Variants in MBOAT1 observed in about 807,000 individuals in gnomAD.
The protein encoded by MBOAT1 is membrane bound glycerophospholipid O-acyltransferase 1.
In MBOAT1, 67 loss-of-function variants were observed where a neutral mutation model predicts 64.4. That is an observed-to-expected ratio of 1.04 (90% CI 0.85 to 1.27). The LOEUF (loss-of-function observed/expected upper bound fraction) is 1.27. Ranked by LOEUF, MBOAT1 falls within the 50% of genes most tolerant of loss-of-function variation. MBOAT1 has a pLI of 0.00. For missense variants in MBOAT1, 563 were observed against 604.6 expected, an observed-to-expected ratio of 0.93 and a Z score of 0.72; for synonymous variants, 229 against 218.9, an observed-to-expected ratio of 1.05 and a Z score of -0.41.
chr6:20,201,177 G>A (rs1022035035), intron 1 of MBOAT1, among the ~76,000 whole-genome samples: 4 of 152,148 alleles, frequency 2.6e-5, no homozygotes, highest in Admixed American at 2.6e-4. Flanking sequence ...CCAGTTTGTG[G>A]AGGAGTTATA....
At chr6:20,184,880 A>AGTGTGTGTGTGC (rs1554121570) in intron 1 of MBOAT1, among the ~76,000 whole-genome samples, 2 of 142,866 alleles carry the variant, frequency 1.4e-5, no homozygotes, top group African/African-American at 5.1e-5. Flanking sequence ...TTATAACTGC[A>AGTGTGTGTGTGC]GTGTGTGTGT....
intron 8 of MBOAT1, 74 bp downstream of exon 8, chr6:20,124,334 A>G (rs1341784224): frequency 6.8e-7 from 1 of 1,472,564 alleles, no homozygotes; most frequent in Non-Finnish European, 9.2e-7. Flanking sequence ...GTGATCCAAA[A>G]CGTCGTTCTG....
chr6:20,103,840 A>G (rs1759874799), intron 12 of MBOAT1, among the ~76,000 whole-genome samples: 1 of 152,198 alleles, frequency 6.6e-6, no homozygotes, highest in African/African-American at 2.4e-5. Context: ...ATTATTGAGG[A>G]AAAGTTTTCT....
chr6:20,176,008 G>A (rs1444076592), intron 1 of MBOAT1, among the ~76,000 whole-genome samples: 1 of 152,146 alleles, frequency 6.6e-6, no homozygotes, highest in Admixed American at 6.5e-5. Flanking sequence ...ACAAGGTGGG[G>A]CTCAGTGGCT....
intron 7 of MBOAT1, among the ~76,000 whole-genome samples, chr6:20,125,172 C>T (rs1581406036): frequency 6.6e-6 from 1 of 152,126 alleles, no homozygotes; most frequent in Admixed American, 6.5e-5. Flanking sequence ...TTTTTAAATT[C>T]CTCTGGACAG....
Position 20,112,859 on chromosome 6 carries a change from G to A in MBOAT1, c.1209+17C>T. 1 of 1,610,108 alleles carries A rather than the reference G, an allele frequency of 6.2e-7. No individual in the cohort carries two copies. On this transcript the variant is annotated intron_variant, in intron 11 of 12. Coordinates refer to ENST00000324607, the MANE Select transcript of MBOAT1 (RefSeq NM_001080480.3). ...AGATTACTAAGGGGAAAGACCCTAGGCCTAAAGCACACTTACCGCTCTAGC... is the reference window on the plus strand; with the variant it reads ...AGATTACTAAGGGGAAAGACCCTAGACCTAAAGCACACTTACCGCTCTAGC...
intron 11 of MBOAT1, among the ~76,000 whole-genome samples, chr6:20,111,184 A>C (rs1021956142): frequency 1.3e-5 from 2 of 151,800 alleles, no homozygotes; most frequent in African/African-American, 4.9e-5. Flanking sequence ...ATGTGACTAG[A>C]CCTGCCTCTA....
chr6:20,123,415 C>T (rs1421911134), intron 8 of MBOAT1, among the ~76,000 whole-genome samples: 3 of 152,172 alleles, frequency 2.0e-5, no homozygotes, highest in South Asian at 2.1e-4. Flanking sequence ...ACAGGGCTTC[C>T]GTACTTTATC....
intron 11 of MBOAT1, among the ~76,000 whole-genome samples, chr6:20,111,869 C>CGTATATATACGTATATATACGT (rs1554115582): frequency 3.2e-5 from 4 of 124,324 alleles, no homozygotes; most frequent in African/African-American, 1.6e-4. Context: ...CATATATATA[C>CGTATATATACGTATATATACGT]ATATATATAT....
rs9465641 is a variant in MBOAT1 at position 20,157,450 on chromosome 6, G to A, written c.100-4681C>T. ...AAAAATAACGTGTAAAATGGAATAC[G>A]ACTATTTTATCAGGATGGCAGGAAT... On this transcript the variant is annotated intron_variant, in intron 1 of 12. Transcript: ENST00000324607. 7.5e-3 allele frequency among the ~76,000 whole-genome samples: 1,146 copies of A among 152,296 alleles called. 10 individuals are homozygous for A. The highest frequency in any genetic ancestry group is 0.025 in the African/African-American group (1,046 of 41,546).
rs113088153 is a variant in MBOAT1 at position 20,132,840 on chromosome 6, T to C, written c.420-1641A>G. Among the ~76,000 whole-genome samples, 1,436 of 152,234 alleles carry C rather than the reference T, an allele frequency of 9.4e-3. 22 individuals are homozygous for C. Among genetic ancestry groups the C allele is most frequent in the African/African-American group, 0.033 (1,374 of 41,540 alleles). On this transcript the variant is annotated intron_variant, in intron 4 of 12. Transcript: ENST00000324607. ...TATATCTGATACGGGACTTTACTAG[T>C]CTATATAAAAACACTCTTACAACTC...
intron 4 of MBOAT1, among the ~76,000 whole-genome samples, chr6:20,143,166 G>A (rs1761227197): frequency 6.6e-6 from 1 of 152,220 alleles, no homozygotes; most frequent in South Asian, 2.1e-4. Flanking sequence ...CTCCCGGGAA[G>A]TAACGTGGAT....
chr6:20,171,092 G>T (rs879768724), intron 1 of MBOAT1, among the ~76,000 whole-genome samples: 1 of 151,980 alleles, frequency 6.6e-6, no homozygotes, highest in Non-Finnish European at 1.5e-5. Flanking sequence ...TGCTGGCAAG[G>T]ATTTAAAAAA....
intron 1 of MBOAT1, among the ~76,000 whole-genome samples, chr6:20,170,244 A>G (rs893701404): frequency 6.6e-5 from 10 of 152,134 alleles, no homozygotes; most frequent in African/African-American, 2.4e-4. Context: ...ATGCCTTCCA[A>G]ATCTTGATCT....
chr6:20,182,845 G>A (rs1311759405), intron 1 of MBOAT1, among the ~76,000 whole-genome samples: 1 of 152,170 alleles, frequency 6.6e-6, no homozygotes, highest in African/African-American at 2.4e-5. Context: ...GCTGACACCT[G>A]TGTGTGTTTT....
At chr6:20,193,510 A>C (rs548970117) in intron 1 of MBOAT1, among the ~76,000 whole-genome samples, 1 of 151,534 alleles carries the variant, frequency 6.6e-6, no homozygotes, top group Non-Finnish European at 1.5e-5. Context: ...TTGATGTTTG[A>C]TGTTATGGGC....
At chr6:20,184,642 C>G (rs2113746828) in intron 1 of MBOAT1, among the ~76,000 whole-genome samples, 1 of 152,256 alleles carries the variant, frequency 6.6e-6, no homozygotes, top group South Asian at 2.1e-4. Context: ...CCAGCTGTGT[C>G]TGTCCCAGGC....
chr6:20,202,942 C>T (rs1358120026), intron 1 of MBOAT1, among the ~76,000 whole-genome samples: 2 of 152,290 alleles, frequency 1.3e-5, no homozygotes, highest in East Asian at 3.9e-4. Context: ...ATACAAGTCA[C>T]TGGTACAAAA....
intron 3 of MBOAT1, among the ~76,000 whole-genome samples, chr6:20,145,448 C>A: frequency 6.6e-6 from 1 of 152,198 alleles, no homozygotes; most frequent in East Asian, 1.9e-4. Flanking sequence ...ATCTCCCTGA[C>A]CAAACTGTAA....
Sources: gnomAD v4.1 joint callset for allele counts (sites outside exome capture counted in the v4.1 genomes callset) on GRCh38, gnomAD v4.1.1 for gene constraint, MANE v1.5 for transcripts, NCBI Gene and HGNC (gene_info 2026-07-23, HGNC 2026-07-21) for gene names.